UNC13C: variants seen among roughly 807,000 people sequenced by gnomAD.
UNC13C encodes protein unc-13 homolog C.
Under a neutral mutation model 245.4 loss-of-function variants are expected in UNC13C, and 174 were observed. The ratio of observed to expected loss-of-function variants is 0.71; its 90% CI spans 0.63 to 0.80. UNC13C has a LOEUF of 0.80. UNC13C is among the 30% of genes least tolerant of loss of function. The probability of loss-of-function intolerance (pLI) is 0.00; values close to 1 mark genes in which losing one functional copy is unlikely to be tolerated. For synonymous variants in UNC13C, 992 were observed against 895.1 expected, an observed-to-expected ratio of 1.11 and a Z score of -1.93; for missense variants, 2,829 against 2,602.9, an observed-to-expected ratio of 1.09 and a Z score of -1.89.
chr15:54,037,615 G>A (rs1190098833), intron 2 of UNC13C, among the ~76,000 whole-genome samples: 2 of 152,004 alleles, frequency 1.3e-5, no homozygotes, highest in East Asian at 1.9e-4. Flanking sequence ...TTGACATATG[G>A]TAGGAGATAC....
Position 54,627,581 on chromosome 15 carries a change from T to A in UNC13C, c.*468T>A, listed in dbSNP as rs2141324507. ...TGCAGTCACTTCTAGAAAGCATTTG[T>A]AATTTTATAGTCGCAGATATTGTGA... On this transcript the variant is annotated 3_prime_UTR_variant, in exon 33 of 33. Transcript: ENST00000260323. 6.5e-6 allele frequency: 1 copy of A among 153,206 alleles called. No individual in the cohort carries two copies. Among genetic ancestry groups the A allele is most frequent in the East Asian group, 1.9e-4 (1 of 5,196 alleles). The allele number at this position is 153,206 out of a possible 1,614,324, so 9.5% of individuals were successfully genotyped here. A position where few individuals can be genotyped will look rare whatever the true frequency, so the allele number is the denominator to read the frequency against.
chr15:53,937,864 G>A, the UNC13C span, among the ~76,000 whole-genome samples: 10 of 152,160 alleles, frequency 6.6e-5, no homozygotes, highest in African/African-American at 2.4e-4. Flanking sequence ...GGCCTGCCTT[G>A]TGAGAGGTCC....
At chr15:53,988,908 A>T (rs914218486) in intron 1 of UNC13C, among the ~76,000 whole-genome samples, 2 of 151,998 alleles carry the variant, frequency 1.3e-5, no homozygotes, top group African/African-American at 4.8e-5. Context: ...TATTGTGTGA[A>T]TGAATAAAGT....
At chr15:54,372,152 T>A (rs2039500192) in intron 17 of UNC13C, among the ~76,000 whole-genome samples, 1 of 152,124 alleles carries the variant, frequency 6.6e-6, no homozygotes, top group Admixed American at 6.5e-5. Flanking sequence ...TTAAAAAGCT[T>A]GATTTAGTCA....
intron 19 of UNC13C, among the ~76,000 whole-genome samples, chr15:54,484,336 G>A (rs1037399826): frequency 3.3e-5 from 5 of 152,102 alleles, no homozygotes; most frequent in African/African-American, 1.2e-4. Flanking sequence ...TTTTTAGCGA[G>A]CATGGAAGTA....
intron 4 of UNC13C, among the ~76,000 whole-genome samples, chr15:54,157,936 A>G (rs764031730): frequency 6.6e-6 from 1 of 152,200 alleles, no homozygotes; most frequent in Non-Finnish European, 1.5e-5. Flanking sequence ...TCTACTCCTA[A>G]TGGTCTTCTG....
chr15:54,262,170 T>C (rs2036443084), intron 8 of UNC13C, among the ~76,000 whole-genome samples: 1 of 152,236 alleles, frequency 6.6e-6, no homozygotes, highest in Admixed American at 6.5e-5. Context: ...ATTTATTGTG[T>C]GCATGGTAGT....
chr15:54,260,610 T>C (rs2036398490), intron 8 of UNC13C, among the ~76,000 whole-genome samples: 1 of 148,720 alleles, frequency 6.7e-6, no homozygotes, highest in Admixed American at 6.7e-5. Context: ...TGTGTGTATG[T>C]ATATGTATAT....
intron 4 of UNC13C, among the ~76,000 whole-genome samples, chr15:54,196,048 C>G (rs560202057): frequency 6.6e-6 from 1 of 152,036 alleles, no homozygotes; most frequent in Non-Finnish European, 1.5e-5. Flanking sequence ...AAACAGTTCC[C>G]TGTAGTCATC....
rs58264883 is a variant in UNC13C at position 54,028,684 on chromosome 15, C to CTTTTTTTTTT, written c.2983+12810_2983+12819dup. ...TGGCCTCCAGAGTCAGCCTACAAGT[C>CTTTTTTTTTT]TTTTTTTTTTTTTTTTTTTTTGAGA... On this transcript the variant is annotated intron_variant, in intron 2 of 32. Coordinates refer to ENST00000260323, the MANE Select transcript of UNC13C (RefSeq NM_001080534.3). Among the ~76,000 whole-genome samples the CTTTTTTTTTT allele has an allele frequency of 1.6e-3, 138 of 87,090 alleles. 11 individuals carry two copies. The highest frequency in any genetic ancestry group is 2.1e-3 in the Non-Finnish European group (103 of 49,324). 57.1% of individuals were successfully genotyped at this position (87,090 alleles called of 152,430 possible). A position where few individuals can be genotyped will look rare whatever the true frequency, so the allele number is the denominator to read the frequency against.
At chr15:54,549,514 C>A in intron 27 of UNC13C, 121 bp from the exon 28 acceptor site, 1 of 728,392 alleles carries the variant, frequency 1.4e-6, no homozygotes, top group Non-Finnish European at 2.2e-6. Context: ...TTAAGGGCAT[C>A]TGGCATAAGC....
At chr15:53,875,960 CTA>C in the UNC13C span, among the ~76,000 whole-genome samples, 2 of 152,144 alleles carry the variant, frequency 1.3e-5, no homozygotes, top group Non-Finnish European at 2.9e-5. Context: ...AATTCATGTG[CTA>C]TGTCAAGTTA....
In UNC13C at chr15:54,567,806, T is replaced by C. The variant is rs770765957; in HGVS notation, c.5965T>C (p.Phe1989Leu). ...TATTTTTTTTTCTTTGTAGCAATACTTTCATGCAGGAGGAAATGGCCTGAA... is the reference window on the plus strand; with the variant it reads ...TATTTTTTTTTCTTTGTAGCAATACCTTCATGCAGGAGGAAATGGCCTGAA... The part of the protein sequence containing the change: ...EVVLATIKQY[F>L]HAGGNGLKKN... The change falls in exon 30 of 33, where the codon TTT (phenylalanine) becomes CTT (leucine). Residue 1989 changes from phenylalanine (F) to leucine (L), a missense_variant. Phe to Leu is a conservative substitution (Grantham distance 22). Transcript: ENST00000260323. The C allele has an allele frequency of 6.3e-7, 1 of 1,595,972 alleles. No homozygotes were observed. Among genetic ancestry groups the C allele is most frequent in the Non-Finnish European group, 8.5e-7 (1 of 1,170,830 alleles).
chr15:54,261,361 G>A (rs545697920), intron 8 of UNC13C, among the ~76,000 whole-genome samples: 1 of 152,256 alleles, frequency 6.6e-6, no homozygotes, highest in South Asian at 2.1e-4. Flanking sequence ...AGTTTCATTA[G>A]AAACATAAGA....
intron 19 of UNC13C, among the ~76,000 whole-genome samples, chr15:54,455,205 C>CTCTCTCTCTCTCTCTCTCTATATATA (rs1388065398): frequency 5.3e-5 from 1 of 18,974 alleles, no homozygotes; most frequent in Non-Finnish European, 9.2e-5. Context: ...CTCTCTCTCT[C>CTCTCTCTCTCTCTCTCTCTATATATA]TATATATATA....
chr15:54,502,425 T>C (rs911131198), intron 22 of UNC13C, among the ~76,000 whole-genome samples: 33 of 152,190 alleles, frequency 2.2e-4, no homozygotes, highest in Admixed American at 2.2e-3. Context: ...TAATTAAGAC[T>C]AACCTCCTAC....
the UNC13C span, among the ~76,000 whole-genome samples, chr15:53,929,581 G>T: frequency 4.6e-5 from 7 of 152,122 alleles, no homozygotes; most frequent in African/African-American, 1.4e-4. Context: ...AGGTGCGTGT[G>T]GTAGGGCAGA....
the UNC13C span, among the ~76,000 whole-genome samples, chr15:53,890,284 T>G: frequency 3.3e-5 from 5 of 152,000 alleles, no homozygotes; most frequent in Non-Finnish European, 5.9e-5. Context: ...TGGGACTACA[T>G]GCACCTGCCA....
intron 18 of UNC13C, among the ~76,000 whole-genome samples, chr15:54,410,211 T>G (rs972876180): frequency 1.3e-5 from 2 of 152,214 alleles, no homozygotes; most frequent in African/African-American, 2.4e-5. Context: ...TTGTTCATTT[T>G]TAATGAGGTT....
Sources: gnomAD v4.1 joint callset for allele counts (sites outside exome capture counted in the v4.1 genomes callset) on GRCh38, gnomAD v4.1.1 for gene constraint, MANE v1.5 for transcripts, NCBI Gene and HGNC (gene_info 2026-07-23, HGNC 2026-07-21) for gene names.